The following CLSTN2 variants were observed in gnomAD, a reference collection of about 807,000 sequenced individuals.
CLSTN2 encodes the protein calsyntenin 2, also known as calsyntenin-2.
In CLSTN2, 48 loss-of-function variants were observed where a neutral mutation model predicts 101.2. The ratio of observed to expected loss-of-function variants is 0.47; its 90% CI spans 0.38 to 0.60. CLSTN2 has a LOEUF of 0.60. Among genes scored for constraint, CLSTN2 ranks in the 20% least tolerant of loss-of-function variants. The pLI is 0.00. For synonymous variants in CLSTN2, 481 were observed against 463.6 expected (o/e 1.04, Z -0.48); for missense variants, 1,160 against 1,238.2 (o/e 0.94, Z 0.95).
chr3:139,976,074 G>A (rs192525791), intron 1 of CLSTN2, among the ~76,000 whole-genome samples: 14 of 152,312 alleles, frequency 9.2e-5, no homozygotes, highest in Non-Finnish European at 1.9e-4. Flanking sequence ...TGGGCAGATC[G>A]TGGTTGTATG....
chr3:139,992,034 G>C (rs1168780093), intron 1 of CLSTN2, among the ~76,000 whole-genome samples: 1 of 152,186 alleles, frequency 6.6e-6, no homozygotes, highest in Non-Finnish European at 1.5e-5. Context: ...GCAATCACTT[G>C]TGTGGACTGA....
intron 1 of CLSTN2, among the ~76,000 whole-genome samples, chr3:140,033,921 C>T (rs1446429787): frequency 2.6e-5 from 4 of 152,076 alleles, no homozygotes; most frequent in Non-Finnish European, 4.4e-5. Context: ...TTAGCTTTAC[C>T]TTAATATGCG....
chr3:140,140,910 C>G (rs945404864), intron 1 of CLSTN2, among the ~76,000 whole-genome samples: 4 of 152,146 alleles, frequency 2.6e-5, no homozygotes, highest in African/African-American at 9.7e-5. Context: ...CCCTCCTTAA[C>G]TTACATAAAA....
chr3:140,276,867 G>A (rs2107893636), intron 2 of CLSTN2, among the ~76,000 whole-genome samples: 1 of 152,264 alleles, frequency 6.6e-6, no homozygotes, highest in Admixed American at 6.5e-5. Flanking sequence ...AGCACTCTGG[G>A]CTGCCTTTCA....
intron 1 of CLSTN2, among the ~76,000 whole-genome samples, chr3:139,938,201 C>CT (rs1303533470): frequency 6.7e-6 from 1 of 150,148 alleles, no homozygotes; most frequent in African/African-American, 2.4e-5. Context: ...CCAGATACTT[C>CT]TTTCGTACAA....
chr3:140,133,567 G>A (rs1011641406), intron 1 of CLSTN2, among the ~76,000 whole-genome samples: 1 of 152,186 alleles, frequency 6.6e-6, no homozygotes, highest in Non-Finnish European at 1.5e-5. Flanking sequence ...GTTTTGGGAA[G>A]GCCCAGGTTC....
At chr3:140,425,235 C>G (rs1434899664) in intron 5 of CLSTN2, among the ~76,000 whole-genome samples, 1 of 152,202 alleles carries the variant, frequency 6.6e-6, no homozygotes, top group Non-Finnish European at 1.5e-5. Context: ...TTCCAGGGAG[C>G]TTTCTCAGAG....
chr3:140,437,050 G>GTTTTT (rs11382080), intron 5 of CLSTN2, among the ~76,000 whole-genome samples: 1 of 135,130 alleles, frequency 7.4e-6, no homozygotes, highest in African/African-American at 2.8e-5. Flanking sequence ...GGGAGGTTTG[G>GTTTTT]TTTTTTTTTT....
At chr3:139,989,862 A>C (rs1182604634) in intron 1 of CLSTN2, among the ~76,000 whole-genome samples, 1 of 152,232 alleles carries the variant, frequency 6.6e-6, no homozygotes, top group African/African-American at 2.4e-5. Context: ...AATCTATGTG[A>C]AATTGAATTA....
At chr3:140,193,439 C>T (rs2010601075) in intron 2 of CLSTN2, among the ~76,000 whole-genome samples, 1 of 151,708 alleles carries the variant, frequency 6.6e-6, no homozygotes. Context: ...AAATTCTTTT[C>T]TTTCACCACC....
At chr3:140,083,888 T>G (rs1428559932) in intron 1 of CLSTN2, among the ~76,000 whole-genome samples, 1 of 152,178 alleles carries the variant, frequency 6.6e-6, no homozygotes, top group African/African-American at 2.4e-5. Context: ...AAGTGTTTTT[T>G]CATTTCTTTT....
chr3:140,235,974 G>A (rs779103018), intron 2 of CLSTN2, among the ~76,000 whole-genome samples: 58 of 152,166 alleles, frequency 3.8e-4, no homozygotes, highest in Non-Finnish European at 7.2e-4. Flanking sequence ...GACTGTAGCA[G>A]ATGGTGTCAA....
intron 1 of CLSTN2, among the ~76,000 whole-genome samples, chr3:140,023,793 G>A (rs914364476): frequency 6.6e-6 from 1 of 152,136 alleles, no homozygotes. Context: ...TCCCCGCTTC[G>A]CTCACCCAGG....
chr3:140,028,549 T>C (rs2007470724), intron 1 of CLSTN2, among the ~76,000 whole-genome samples: 2 of 152,090 alleles, frequency 1.3e-5, no homozygotes, highest in African/African-American at 4.8e-5. Context: ...ACATTTCAAA[T>C]ACAACGATCG....
At chr3:139,950,286 T>C (rs1935275010) in intron 1 of CLSTN2, among the ~76,000 whole-genome samples, 1 of 152,190 alleles carries the variant, frequency 6.6e-6, no homozygotes, top group Non-Finnish European at 1.5e-5. Flanking sequence ...TCCTGAGCTT[T>C]TGAGGCTGGT....
intron 2 of CLSTN2, among the ~76,000 whole-genome samples, chr3:140,190,154 T>C (rs1430525343): frequency 2.0e-5 from 3 of 152,114 alleles, no homozygotes; most frequent in Non-Finnish European, 4.4e-5. Context: ...CTCCTAATAC[T>C]ATCACCTGGG....
intron 1 of CLSTN2, among the ~76,000 whole-genome samples, chr3:140,045,108 C>T (rs2007845351): frequency 6.6e-6 from 1 of 152,138 alleles, no homozygotes; most frequent in Non-Finnish European, 1.5e-5. Flanking sequence ...AGGAATGGTA[C>T]CAGCTCCTCC....
At chr3:140,150,521 G>A (rs76429920) in intron 1 of CLSTN2, among the ~76,000 whole-genome samples, 3,430 of 152,218 alleles carry the variant, frequency 0.023, 121 homozygotes, top group African/African-American at 0.079. Flanking sequence ...AACCCTCTCA[G>A]GCATTGCATC....
chr3:140,375,259 A>G (rs1009626777), intron 2 of CLSTN2, among the ~76,000 whole-genome samples: 3 of 152,180 alleles, frequency 2.0e-5, no homozygotes, highest in Non-Finnish European at 4.4e-5. Context: ...AATGAGGAGG[A>G]GACACACATT....
Sources: allele counts gnomAD v4.1 joint callset (sites outside exome capture counted in the v4.1 genomes callset), GRCh38; gene constraint gnomAD v4.1.1; transcripts MANE v1.5; gene names NCBI Gene and HGNC (gene_info 2026-07-23, HGNC 2026-07-21).